The following RABIF variants were observed in gnomAD, a reference collection of about 807,000 sequenced individuals.
RABIF encodes the protein guanine nucleotide exchange factor MSS4.
Under a neutral mutation model 12.3 loss-of-function variants are expected in RABIF, and 13 were observed. The observed-to-expected ratio is 1.06, with a 90% CI of 0.69 to 1.68. The LOEUF is 1.68. Among genes scored for constraint, RABIF ranks in the 40% most tolerant of loss-of-function variants. The pLI, the probability that RABIF is intolerant of heterozygous loss-of-function variation, is 0.00. For synonymous variants in RABIF, 70 were observed against 63.3 expected (o/e 1.11, Z -0.50); for missense variants, 153 against 158.0 (o/e 0.97, Z 0.17).
At chr1:202,884,352 C>T (rs1659530122) in intron 1 of RABIF, among the ~76,000 whole-genome samples, 1 of 151,938 alleles carries the variant, frequency 6.6e-6, no homozygotes, top group Non-Finnish European at 1.5e-5. Context: ...TAATCTTTTT[C>T]CCTTCTGGGA....
At chr1:202,887,142 C>T (rs1423269558) in intron 1 of RABIF, among the ~76,000 whole-genome samples, 1 of 151,184 alleles carries the variant, frequency 6.6e-6, no homozygotes, top group Non-Finnish European at 1.5e-5. Flanking sequence ...CAAAACCTTG[C>T]CATGGAAAAG....
rs199570590 is a variant in RABIF at position 202,889,117 on chromosome 1, C to A, written c.-19G>T. ...GTTCCATCGCCGCTGCCGCCACAGG[C>A]TCCTCAGCCACGGCTGCGCAGACGC... On this transcript the variant is annotated 5_prime_UTR_variant, in exon 1 of 2. Coordinates refer to ENST00000367262, the MANE Select transcript of RABIF (RefSeq NM_002871.5). The A allele has an allele frequency of 1.2e-5, 19 of 1,598,328 alleles. No individual in the cohort carries two copies. Among genetic ancestry groups the A allele is most frequent in the Admixed American group, 3.4e-5 (2 of 58,284 alleles).
intron 1 of RABIF, among the ~76,000 whole-genome samples, chr1:202,887,417 C>T (rs372401091): frequency 5.3e-5 from 8 of 151,670 alleles, no homozygotes; most frequent in African/African-American, 1.7e-4. Flanking sequence ...GACAAGTCTT[C>T]CAATATGGCC....
chr1:202,888,883 G>A (rs1157544916), intron 1 of RABIF, 90 bp downstream of exon 1: 17 of 1,418,670 alleles, frequency 1.2e-5, no homozygotes, highest in Non-Finnish European at 1.4e-5. Flanking sequence ...CGCGGTTGCC[G>A]GAAATTGAAG....
At chr1:202,885,983 C>G (rs1208475316) in intron 1 of RABIF, among the ~76,000 whole-genome samples, 1 of 150,758 alleles carries the variant, frequency 6.6e-6, no homozygotes, top group African/African-American at 2.4e-5. Flanking sequence ...AAAAACCCAC[C>G]TTTTTGCCTT....
Position 202,879,142 on chromosome 1 carries a change from G to A in RABIF, c.*1836C>T, listed in dbSNP as rs1159606311. On this transcript the variant is annotated 3_prime_UTR_variant, in exon 2 of 2. Coordinates refer to ENST00000367262, the MANE Select transcript of RABIF (RefSeq NM_002871.5). ...GCAAATTAAAACAATGAAATACTAT[G>A]GTTTCCTATTCAAGTCGCTATATAT... is the stretch of plus-strand genomic sequence containing the variant. The A allele has an allele frequency of 6.6e-6, 1 of 152,104 alleles. No individual in the cohort carries two copies. Among genetic ancestry groups the A allele is most frequent in the Non-Finnish European group, 1.5e-5 (1 of 68,016 alleles). 9.4% of individuals were successfully genotyped at this position (152,104 alleles called of 1,614,324 possible). A position where few individuals can be genotyped will look rare whatever the true frequency, so the allele number is the denominator to read the frequency against.
At chr1:202,881,558 C>A (rs1446464071) in intron 1 of RABIF, among the ~76,000 whole-genome samples, 2 of 152,090 alleles carry the variant, frequency 1.3e-5, no homozygotes, top group African/African-American at 4.8e-5. Context: ...CCCGCCACCA[C>A]GCCTGGCTAA....
At position 202,878,798 on chromosome 1, in the gene RABIF, G is replaced by A. The variant is rs1046501868; in HGVS notation, c.*2180C>T. Among the ~76,000 whole-genome samples the A allele has an allele frequency of 2.0e-5, 3 of 152,222 alleles. No individual in the cohort carries two copies. Among genetic ancestry groups the A allele is most frequent in the Admixed American group, 2.0e-4 (3 of 15,282 alleles). ...GCTGATTCACAAGTATGTACTGAGA[G>A]CCTATTAGGTGTGAGGGAAATGAAG... On this transcript the variant is annotated 3_prime_UTR_variant, in exon 2 of 2. Coordinates refer to ENST00000367262, the MANE Select transcript of RABIF (RefSeq NM_002871.5).
intron 1 of RABIF, among the ~76,000 whole-genome samples, chr1:202,887,423 T>C (rs1341899497): frequency 1.3e-5 from 2 of 151,896 alleles, no homozygotes; most frequent in Non-Finnish European, 2.9e-5. Flanking sequence ...TCTTCCAATA[T>C]GGCCCAGGGA....
intron 1 of RABIF, among the ~76,000 whole-genome samples, chr1:202,888,226 T>C (rs1411684989): frequency 6.6e-6 from 1 of 152,122 alleles, no homozygotes; most frequent in Non-Finnish European, 1.5e-5. Flanking sequence ...TTTACCGAAA[T>C]AAATTTTTTT....
At position 202,880,793 on chromosome 1, in the gene RABIF, A is replaced by G; in HGVS notation, c.*185T>C. Reference sequence around the variant, plus strand: ...TGTGATACAAAGTGAACTAAGCAGGAGGCATGTACTTGAGGCTTTAGGAAG... The same window carrying G: ...TGTGATACAAAGTGAACTAAGCAGGGGGCATGTACTTGAGGCTTTAGGAAG... On this transcript the variant is annotated 3_prime_UTR_variant, in exon 2 of 2. Coordinates refer to ENST00000367262, the MANE Select transcript of RABIF (RefSeq NM_002871.5). The G allele has an allele frequency of 7.2e-7, 1 of 1,384,968 alleles. No homozygotes were observed. The highest frequency in any genetic ancestry group is 9.4e-7 in the Non-Finnish European group (1 of 1,068,602). The allele number at this position is 1,384,968 out of a possible 1,614,324, so 85.8% of individuals were successfully genotyped here.
rs1414407626 is a variant in RABIF at position 202,878,846 on chromosome 1, C to T, written c.*2132G>A. On this transcript the variant is annotated 3_prime_UTR_variant, in exon 2 of 2. Coordinates refer to ENST00000367262, the MANE Select transcript of RABIF (RefSeq NM_002871.5). Reference sequence around the variant, plus strand: ...AAGAAATGACGTTTGCATTTTATAGCTGACTAGATAATCAGTTGGTTGACC... The same window carrying T: ...AAGAAATGACGTTTGCATTTTATAGTTGACTAGATAATCAGTTGGTTGACC... The T allele has an allele frequency of 2.0e-5, 3 of 152,198 alleles. No individual in the cohort carries two copies. The highest frequency in any genetic ancestry group is 4.8e-5 in the African/African-American group (2 of 41,450). The allele number at this position is 152,198 out of a possible 1,614,324, so 9.4% of individuals were successfully genotyped here. A position where few individuals can be genotyped will look rare whatever the true frequency, so the allele number is the denominator to read the frequency against.
chr1:202,885,560 A>C (rs1659549213), intron 1 of RABIF, among the ~76,000 whole-genome samples: 1 of 152,254 alleles, frequency 6.6e-6, no homozygotes, highest in Non-Finnish European at 1.5e-5. Flanking sequence ...CAGTTATGAG[A>C]AAAAAGAGCT....
chr1:202,885,256 C>A (rs547948826), intron 1 of RABIF, among the ~76,000 whole-genome samples: 1 of 152,102 alleles, frequency 6.6e-6, no homozygotes, highest in Non-Finnish European at 1.5e-5. Flanking sequence ...CGGGAGGAAT[C>A]GAGAAACACA....
At position 202,889,130 on chromosome 1, in the gene RABIF, G is replaced by A. The variant is rs1224504657; in HGVS notation, c.-32C>T. On this transcript the variant is annotated 5_prime_UTR_variant, in exon 1 of 2. Transcript: ENST00000367262. The stretch of plus-strand genomic sequence containing the variant: ...TGCCGCCACAGGCTCCTCAGCCACG[G>A]CTGCGCAGACGCTGTCTCTGCTGGC... The A allele has an allele frequency of 2.5e-6, 4 of 1,586,518 alleles. No homozygotes were observed. Among genetic ancestry groups the A allele is most frequent in the Non-Finnish European group, 3.4e-6 (4 of 1,166,738 alleles).
chr1:202,881,153 T>C lies in RABIF; in HGVS notation c.197A>G (p.Gln66Arg), dbSNP rs1183777488. ...CATGTCCTCAACCAGCCAGTGTTCC[T>C]GGAGGAGATCGCCGTCAGGATTGCT... ...DGSNPDGDLL[Q>R]EHWLVEDMFI... The change falls in exon 2 of 2, where the codon CAG becomes CGG. Residue 66 changes from glutamine to arginine, a missense_variant. Around this residue, in one of 2 missense-constraint regions of RABIF, gnomAD observed 113 missense variants for 90.9 expected, o/e 1.24. Transcript: ENST00000367262. The C allele has an allele frequency of 6.2e-7, 1 of 1,614,202 alleles. No homozygotes were observed. Among genetic ancestry groups the C allele is most frequent in the East Asian group, 2.2e-5 (1 of 44,888 alleles).
chr1:202,885,086 CAAAAAAAA>C (rs113531957), intron 1 of RABIF, among the ~76,000 whole-genome samples: 4 of 120,660 alleles, frequency 3.3e-5, no homozygotes, highest in East Asian at 3.3e-4. Flanking sequence ...GACTCTATCT[CAAAAAAAA>C]AAAAAAAAAA....
chr1:202,888,047 A>G (rs1057024407), intron 1 of RABIF, among the ~76,000 whole-genome samples: 21 of 152,198 alleles, frequency 1.4e-4, no homozygotes, highest in African/African-American at 4.8e-4. Context: ...CCTTTGATGA[A>G]AGGCTGTTTT....
chr1:202,884,617 C>G (rs1177499238), intron 1 of RABIF, among the ~76,000 whole-genome samples: 2 of 152,102 alleles, frequency 1.3e-5, no homozygotes, highest in African/African-American at 4.8e-5. Flanking sequence ...TGGGGGGGTC[C>G]ATGTACGGAC....
Sources: allele counts gnomAD v4.1 joint callset (sites outside exome capture counted in the v4.1 genomes callset), GRCh38; gene constraint gnomAD v4.1.1; regional missense constraint gnomAD v4.1.1; transcripts MANE v1.5; gene names NCBI Gene and HGNC (gene_info 2026-07-23, HGNC 2026-07-21).